Variants in CAMK2A observed in about 807,000 individuals in gnomAD.
CAMK2A encodes the protein calcium/calmodulin-dependent protein kinase type II subunit alpha.
CAMK2A carries 7 observed loss-of-function variants against 79.2 expected under a neutral mutation model. The observed-to-expected ratio is 0.09, with a 90% CI of 0.05 to 0.17. CAMK2A has a LOEUF of 0.17. Ranked by LOEUF, CAMK2A falls within the 10% of genes least tolerant of loss-of-function variation. The pLI is 1.00. For missense variants in CAMK2A, 214 were observed against 646.4 expected, an observed-to-expected ratio of 0.33 and a Z score of 7.25; for synonymous variants, 242 against 251.7, an observed-to-expected ratio of 0.96 and a Z score of 0.36.
At chr5:150,224,119 G>A (rs1344851039) in intron 17 of CAMK2A, among the ~76,000 whole-genome samples, 1 of 152,160 alleles carries the variant, frequency 6.6e-6, no homozygotes, top group East Asian at 1.9e-4. Flanking sequence ...CAAAGTCCCT[G>A]ACACCAGCTT....
intron 16 of CAMK2A, among the ~76,000 whole-genome samples, chr5:150,228,544 C>T (rs1438461256): frequency 1.3e-5 from 2 of 152,196 alleles, no homozygotes; most frequent in African/African-American, 4.8e-5. Context: ...GGCTTAATCC[C>T]TTTAAGCAAG....
At chr5:150,288,109 A>C (rs1757504796) in intron 1 of CAMK2A, among the ~76,000 whole-genome samples, 1 of 151,998 alleles carries the variant, frequency 6.6e-6, no homozygotes, top group South Asian at 2.1e-4. Context: ...ACATGCACAC[A>C]CATGCGTGTG....
chr5:150,255,897 A>G (rs1756035851), intron 6 of CAMK2A, among the ~76,000 whole-genome samples: 1 of 152,222 alleles, frequency 6.6e-6, no homozygotes, highest in African/African-American at 2.4e-5. Flanking sequence ...CCTGCTCTGC[A>G]AAATGGAGAC....
chr5:150,231,267 T>G (rs1285625903), intron 16 of CAMK2A, 38 bp downstream of exon 16: 2 of 1,296,684 alleles, frequency 1.5e-6, no homozygotes, highest in Admixed American at 4.2e-5. Flanking sequence ...TGAACAACAA[T>G]CCAGGCAGGA....
In CAMK2A at chr5:150,253,535, C is replaced by T; in HGVS notation, c.423G>A (p.Leu141=). 1.2e-6 allele frequency: 2 copies of T among 1,614,104 alleles called. No individual in the cohort carries two copies. The highest frequency in any genetic ancestry group is 1.7e-6 in the Non-Finnish European group (2 of 1,179,922). Residue 141 remains leucine, a synonymous_variant, in exon 7 of 19, where the codon CTG becomes CTA. Coordinates refer to ENST00000671881, the MANE Select transcript of CAMK2A (RefSeq NM_015981.4). The part of the protein sequence containing the change: ...VVHRDLKPEN[L]LLASKLKGAA... Reference sequence around the variant, plus strand: ...CACCCTTGAGCTTGGAGGCCAGCAACAGATTCTCAGGCTTGTCAGGACCAG... The same window carrying T: ...CACCCTTGAGCTTGGAGGCCAGCAATAGATTCTCAGGCTTGTCAGGACCAG...
rs1283803704 is a variant in CAMK2A at position 150,284,172 on chromosome 5, GAC to G, written c.62+5390_62+5391del. ...GGCAGAGTGAGACCAGAGAGACAGA[GAC>G]AGAGTGAGACCAGAGAGATGGAGAG... is the stretch of plus-strand genomic sequence containing the variant. On this transcript the variant is annotated intron_variant, in intron 1 of 18. Transcript: ENST00000671881. The surrounding 1 kb of genome is among the most constrained non-coding windows in gnomAD (Gnocchi z 5.3). Among the ~76,000 whole-genome samples, 1 of 151,334 alleles carries G rather than the reference GAC, an allele frequency of 6.6e-6. No homozygotes were observed. The highest frequency in any genetic ancestry group is 1.5e-5 in the Non-Finnish European group (1 of 67,628).
At chr5:150,226,436 T>A (rs1368103781) in intron 17 of CAMK2A, among the ~76,000 whole-genome samples, 1 of 152,102 alleles carries the variant, frequency 6.6e-6, no homozygotes, top group Non-Finnish European at 1.5e-5. Context: ...CTGTACGTAC[T>A]TCATTAAAGT....
intron 15 of CAMK2A, among the ~76,000 whole-genome samples, chr5:150,234,656 C>T (rs1754987786): frequency 6.6e-6 from 1 of 152,142 alleles, no homozygotes; most frequent in Admixed American, 6.5e-5. Context: ...TGGTTATTAT[C>T]ATCTGGGAAT....
chr5:150,242,840 C>G (rs1321118165), intron 13 of CAMK2A, among the ~76,000 whole-genome samples: 1 of 152,214 alleles, frequency 6.6e-6, no homozygotes, highest in Admixed American at 6.5e-5. Context: ...GATCCTGGGC[C>G]AGGCCCCCAG....
intron 1 of CAMK2A, among the ~76,000 whole-genome samples, chr5:150,274,398 G>T (rs1307123289): frequency 6.6e-6 from 1 of 152,140 alleles, no homozygotes; most frequent in Non-Finnish European, 1.5e-5. Context: ...TTAAATATTG[G>T]CACCTATTCC....
At chr5:150,230,049 G>A (rs1280871775) in intron 16 of CAMK2A, among the ~76,000 whole-genome samples, 2 of 151,984 alleles carry the variant, frequency 1.3e-5, no homozygotes, top group African/African-American at 4.8e-5. Flanking sequence ...GGCGGGCTCG[G>A]TAGCTGACGC....
chr5:150,257,403 T>C (rs1756104125), intron 4 of CAMK2A, among the ~76,000 whole-genome samples, 160 bp downstream of exon 4: 1 of 152,186 alleles, frequency 6.6e-6, no homozygotes. Context: ...TTTGTTGGTG[T>C]TTTAGGAAAG....
chr5:150,240,973 G>A (rs965013052), intron 13 of CAMK2A, among the ~76,000 whole-genome samples: 2 of 152,208 alleles, frequency 1.3e-5, no homozygotes, highest in African/African-American at 4.8e-5. Flanking sequence ...TCTAATTCTG[G>A]GTTTCTGACT....
intron 2 of CAMK2A, among the ~76,000 whole-genome samples, chr5:150,265,951 A>G (rs958489208): frequency 6.6e-6 from 1 of 152,030 alleles, no homozygotes; most frequent in Admixed American, 6.5e-5. Flanking sequence ...AAAAAAAAGA[A>G]AAGAAAAGAA....
intron 17 of CAMK2A, among the ~76,000 whole-genome samples, chr5:150,227,907 C>T (rs1385195136): frequency 6.6e-6 from 1 of 152,140 alleles, no homozygotes; most frequent in Non-Finnish European, 1.5e-5. Context: ...CCAGGCCCCT[C>T]CCAGGGTCAT....
chr5:150,288,164 G>A (rs1204533510), intron 1 of CAMK2A, among the ~76,000 whole-genome samples: 3 of 151,968 alleles, frequency 2.0e-5, no homozygotes, highest in African/African-American at 4.8e-5. Flanking sequence ...CAGTCTTCAC[G>A]TAGATGTGCA....
chr5:150,238,810 G>A (rs1755209280), intron 14 of CAMK2A, 62 bp from the exon 15 acceptor site: 5 of 1,410,548 alleles, frequency 3.5e-6, no homozygotes, highest in Admixed American at 4.6e-5. Context: ...GCATGGCCAG[G>A]CCCTGGCTGC....
At position 150,222,579 on chromosome 5, in the gene CAMK2A, C is replaced by G; in HGVS notation, c.*131G>C. 1.0e-6 allele frequency: 1 copy of G among 1,004,020 alleles called. No homozygotes were observed. The highest frequency in any genetic ancestry group is 1.6e-6 in the Non-Finnish European group (1 of 639,346). 62.2% of individuals were successfully genotyped at this position (1,004,020 alleles called of 1,614,324 possible). On this transcript the variant is annotated 3_prime_UTR_variant, in exon 19 of 19. Transcript: ENST00000671881. ...CAAGCAGGTTTTCTTGATGCAGGTA[C>G]AGAAGTGACGGTGGTGGGGTGATGA...
At chr5:150,288,415 G>A (rs1259407302) in intron 1 of CAMK2A, among the ~76,000 whole-genome samples, 3 of 152,014 alleles carry the variant, frequency 2.0e-5, no homozygotes, top group East Asian at 1.9e-4. Flanking sequence ...CCTTACACAC[G>A]AAGCACCTCT....
Sources: allele counts gnomAD v4.1 joint callset (sites outside exome capture counted in the v4.1 genomes callset), GRCh38; gene constraint gnomAD v4.1.1; non-coding constraint Gnocchi (gnomAD v3.1); transcripts MANE v1.5; gene names NCBI Gene and HGNC (gene_info 2026-07-23, HGNC 2026-07-21).